PRKG1: variants seen among roughly 807,000 people sequenced by gnomAD.
The protein encoded by PRKG1 is protein kinase cGMP-dependent 1.
Under a neutral mutation model 88.1 loss-of-function variants are expected in PRKG1, and 35 were observed. The ratio of observed to expected loss-of-function variants is 0.40; its 90% confidence interval spans 0.30 to 0.53. The LOEUF (loss-of-function observed/expected upper bound fraction) is 0.53, where lower values mean the gene tolerates loss of function less well. Among genes scored for constraint, PRKG1 ranks in the 20% least tolerant of loss-of-function variants. The probability of loss-of-function intolerance (pLI) is 0.59; values close to 1 mark genes in which losing one functional copy is unlikely to be tolerated. For missense variants in PRKG1, 540 were observed against 839.8 expected (o/e 0.64, Z 4.41); for synonymous variants, 303 against 292.5 (o/e 1.04, Z -0.37).
intron 3 of PRKG1, among the ~76,000 whole-genome samples, chr10:51,770,629 G>A (rs934997839): frequency 1.3e-5 from 2 of 152,292 alleles, no homozygotes; most frequent in South Asian, 4.1e-4. Flanking sequence ...GGAAGCATTA[G>A]ATTCTCATAG....
intron 2 of PRKG1, among the ~76,000 whole-genome samples, chr10:51,435,618 T>G (rs796602384): frequency 6.6e-6 from 1 of 152,100 alleles, no homozygotes; most frequent in African/African-American, 2.4e-5. Context: ...TGGTTCAAAG[T>G]ACACTGGAAA....
chr10:51,762,382 C>T (rs955177029), intron 3 of PRKG1, among the ~76,000 whole-genome samples: 1 of 152,104 alleles, frequency 6.6e-6, no homozygotes, highest in Non-Finnish European at 1.5e-5. Flanking sequence ...TGATAAAGCT[C>T]AATGATAAAG....
chr10:51,161,817 T>C (rs1489464845), intron 2 of PRKG1, among the ~76,000 whole-genome samples: 1 of 152,174 alleles, frequency 6.6e-6, no homozygotes, highest in Non-Finnish European at 1.5e-5. Context: ...ATTTTTTTGG[T>C]AAAAATTAGA....
At chr10:52,156,120 C>A (rs1188413263) in intron 8 of PRKG1, among the ~76,000 whole-genome samples, 1 of 151,868 alleles carries the variant, frequency 6.6e-6, no homozygotes, top group Non-Finnish European at 1.5e-5. Context: ...GATATTATTA[C>A]AAAGCAAAGA....
chr10:52,267,348 A>G (rs920498745), intron 10 of PRKG1, among the ~76,000 whole-genome samples: 1 of 152,020 alleles, frequency 6.6e-6, no homozygotes, highest in African/African-American at 2.4e-5. Flanking sequence ...ATTTCTCAAT[A>G]TCTTTGCATT....
At chr10:52,099,310 T>G (rs1259300221) in intron 7 of PRKG1, among the ~76,000 whole-genome samples, 1 of 152,190 alleles carries the variant, frequency 6.6e-6, no homozygotes, top group Admixed American at 6.5e-5. Flanking sequence ...TAAACACTGC[T>G]CTTCCAAAGT....
chr10:52,234,405 T>G (rs571930498), intron 9 of PRKG1, among the ~76,000 whole-genome samples: 1 of 152,036 alleles, frequency 6.6e-6, no homozygotes, highest in Non-Finnish European at 1.5e-5. Context: ...GCAAAGCAGT[T>G]GAAAACTTTG....
At chr10:51,175,929 C>T (rs928210188) in intron 2 of PRKG1, among the ~76,000 whole-genome samples, 1 of 151,992 alleles carries the variant, frequency 6.6e-6, no homozygotes. Context: ...TGAGTAATTG[C>T]ATCTTTCATA....
At chr10:51,791,883 G>A (rs568115977) in intron 3 of PRKG1, among the ~76,000 whole-genome samples, 1 of 152,106 alleles carries the variant, frequency 6.6e-6, no homozygotes, top group Admixed American at 6.5e-5. Flanking sequence ...AAGGATGGGT[G>A]GATTTGGAAA....
intron 4 of PRKG1, among the ~76,000 whole-genome samples, chr10:51,830,055 G>A (rs1026867513): frequency 1.3e-5 from 2 of 152,094 alleles, no homozygotes; most frequent in African/African-American, 4.8e-5. Flanking sequence ...TTTACATGGT[G>A]ACCACTTCGG....
At chr10:51,978,598 G>A (rs1469679417) in intron 5 of PRKG1, among the ~76,000 whole-genome samples, 2 of 151,970 alleles carry the variant, frequency 1.3e-5, no homozygotes, top group Non-Finnish European at 2.9e-5. Flanking sequence ...CATAAGCATG[G>A]AATGTTTTTC....
chr10:52,091,329 T>C (rs1473377000), intron 7 of PRKG1, among the ~76,000 whole-genome samples: 1 of 152,198 alleles, frequency 6.6e-6, no homozygotes, highest in African/African-American at 2.4e-5. Flanking sequence ...CTCTTGGTTT[T>C]TTAAAGGGAT....
intron 3 of PRKG1, among the ~76,000 whole-genome samples, chr10:51,483,133 G>A (rs149267978): frequency 2.4e-4 from 36 of 149,828 alleles, no homozygotes; most frequent in South Asian, 1.1e-3. Flanking sequence ...CAATTCTTCC[G>A]CGTCAGCCTC....
At chr10:51,584,036 G>A (rs1296933630) in intron 3 of PRKG1, among the ~76,000 whole-genome samples, 1 of 151,972 alleles carries the variant, frequency 6.6e-6, no homozygotes, top group East Asian at 1.9e-4. Flanking sequence ...TCAGACATTT[G>A]TAGTCAAATT....
At chr10:51,674,528 A>T (rs1010847848) in intron 3 of PRKG1, among the ~76,000 whole-genome samples, 1 of 152,200 alleles carries the variant, frequency 6.6e-6, no homozygotes, top group Admixed American at 6.5e-5. Context: ...TTATCATTTC[A>T]TAAACAAGAA....
At chr10:51,448,155 G>A (rs1839329028) in intron 2 of PRKG1, among the ~76,000 whole-genome samples, 1 of 151,898 alleles carries the variant, frequency 6.6e-6, no homozygotes. Context: ...GGCTGAGGTG[G>A]GAGAATCACT....
intron 3 of PRKG1, among the ~76,000 whole-genome samples, chr10:51,504,884 G>A (rs537812228): frequency 8.3e-4 from 127 of 152,140 alleles, no homozygotes; most frequent in African/African-American, 2.9e-3. Flanking sequence ...GAGACGATGG[G>A]GTTTTCTAGA....
chr10:51,586,155 G>A (rs1838167269), intron 3 of PRKG1, among the ~76,000 whole-genome samples: 1 of 152,080 alleles, frequency 6.6e-6, no homozygotes, highest in African/African-American at 2.4e-5. Context: ...ATAAGGAAAA[G>A]TAAAGAAAAA....
chr10:51,152,976 C>CT (rs1283273580), intron 1 of PRKG1, among the ~76,000 whole-genome samples, 188 bp from the exon 2 acceptor site: 3,983 of 112,496 alleles, frequency 0.035, 218 homozygotes, highest in African/African-American at 0.083. Flanking sequence ...TTCTTAGTGC[C>CT]TTTTTTTTTT....
Sources: gnomAD v4.1 joint callset for allele counts (sites outside exome capture counted in the v4.1 genomes callset) on GRCh38, gnomAD v4.1.1 for gene constraint, MANE v1.5 for transcripts, NCBI Gene and HGNC (gene_info 2026-07-23, HGNC 2026-07-21) for gene names.